COL4A2: variants seen among roughly 807,000 people sequenced by gnomAD.
COL4A2 encodes collagen alpha-2(IV) chain.
In COL4A2, 99 loss-of-function variants were observed where a neutral mutation model predicts 200.2. That is an observed-to-expected ratio of 0.49 (90% CI 0.42 to 0.58). The LOEUF is 0.58. COL4A2 is among the 20% of genes least tolerant of loss of function. The pLI is 0.00. For synonymous variants in COL4A2, 897 were observed against 900.6 expected (o/e 1.00, Z 0.07); for missense variants, 1,950 against 2,314.1 (o/e 0.84, Z 3.23).
intron 3 of COL4A2, among the ~76,000 whole-genome samples, chr13:110,337,358 T>C (rs1440151805): frequency 6.6e-6 from 1 of 152,202 alleles, no homozygotes; most frequent in Non-Finnish European, 1.5e-5. Flanking sequence ...AACTAATAAG[T>C]GCCAGTGAGG....
intron 4 of COL4A2, among the ~76,000 whole-genome samples, chr13:110,421,088 C>T (rs1425914534): frequency 6.6e-6 from 1 of 152,166 alleles, no homozygotes; most frequent in Non-Finnish European, 1.5e-5. Context: ...AATGGAAAAT[C>T]ACAGGTATTG....
At chr13:110,451,261 A>T (rs1881530011) in intron 20 of COL4A2, among the ~76,000 whole-genome samples, 1 of 152,242 alleles carries the variant, frequency 6.6e-6, no homozygotes, top group Non-Finnish European at 1.5e-5. Context: ...GTTATGCTTT[A>T]AAGACCAAGC....
In COL4A2 at chr13:110,437,975, G is replaced by T. The variant is rs553466101; in HGVS notation, c.826-27G>T. The T allele has an allele frequency of 2.8e-5, 45 of 1,594,042 alleles. No homozygotes were observed. In the East Asian group the frequency reaches 9.6e-4, roughly 34 times the overall value. On this transcript the variant is annotated intron_variant, in intron 13 of 47. Transcript: ENST00000360467. Reference sequence around the variant, plus strand: ...CATTACCATCCTCAAATTAATAAGCGTTTCTTATTTTTCATATTCTTCACA... The same window carrying T: ...CATTACCATCCTCAAATTAATAAGCTTTTCTTATTTTTCATATTCTTCACA...
rs1421971452 is a variant in COL4A2 at position 110,438,639 on chromosome 13, G to T, written c.883G>T (p.Glu295Ter). 2.5e-6 allele frequency: 4 copies of T among 1,614,134 alleles called. No individual in the cohort carries two copies. Among genetic ancestry groups the T allele is most frequent in the Non-Finnish European group, 3.4e-6 (4 of 1,180,044 alleles). The change falls in exon 15 of 48, where the codon GAA (glutamate) becomes TAA (stop). Residue 295 changes from glutamate to a stop codon, truncating the protein, a stop_gained. Transcript: ENST00000360467. LOFTEE classifies it high-confidence loss of function. ...CTAGGGCATTTCCTTGAAGGGAGAA[G>T]AAGGAATCATGGGCTTTCCTGGACT... ...GIRGISLKGE[E>*]GIMGFPGLRG... is the part of the protein sequence containing the mutation.
intron 4 of COL4A2, among the ~76,000 whole-genome samples, chr13:110,409,150 T>C (rs1426083097): frequency 6.6e-6 from 1 of 150,938 alleles, no homozygotes; most frequent in Non-Finnish European, 1.5e-5. Context: ...CGCACACATG[T>C]ACACACATGC....
At chr13:110,355,555 G>T (rs1161939502) in intron 3 of COL4A2, among the ~76,000 whole-genome samples, 5 of 66,382 alleles carry the variant, frequency 7.5e-5, no homozygotes, top group Non-Finnish European at 1.4e-4. Flanking sequence ...GTGTGTGGGG[G>T]AGGGCTGTAC....
chr13:110,366,313 A>T (rs1877749173), intron 4 of COL4A2, among the ~76,000 whole-genome samples: 1 of 152,224 alleles, frequency 6.6e-6, no homozygotes, highest in Admixed American at 6.5e-5. Context: ...AGCAGGAAGA[A>T]TGTCTGAAGC....
chr13:110,512,266 G>A lies in COL4A2; in HGVS notation c.*75G>A. Reference sequence around the variant, plus strand: ...ACCTCAGGTGCCAACCCAAAAATTGGTTTTATTTTTTTCTTAAAAAAAAAA... The same window carrying A: ...ACCTCAGGTGCCAACCCAAAAATTGATTTTATTTTTTTCTTAAAAAAAAAA... On this transcript the variant is annotated 3_prime_UTR_variant, in exon 48 of 48. Coordinates refer to ENST00000360467, the MANE Select transcript of COL4A2 (RefSeq NM_001846.4). 1.4e-6 allele frequency: 2 copies of A among 1,447,960 alleles called. No individual in the cohort carries two copies. Among genetic ancestry groups the A allele is most frequent in the Non-Finnish European group, 1.8e-6 (2 of 1,106,632 alleles). The allele number at this position is 1,447,960 out of a possible 1,614,324, so 89.7% of individuals were successfully genotyped here.
intron 12 of COL4A2, among the ~76,000 whole-genome samples, chr13:110,434,978 A>G (rs1213543543): frequency 6.6e-6 from 1 of 152,150 alleles, no homozygotes; most frequent in Non-Finnish European, 1.5e-5. Context: ...GCAGCGCCAC[A>G]CCCCGCAAGC....
chr13:110,323,715 G>A (rs1885337164), intron 3 of COL4A2, among the ~76,000 whole-genome samples: 1 of 152,220 alleles, frequency 6.6e-6, no homozygotes, highest in African/African-American at 2.4e-5. Flanking sequence ...GCTCCCTGAG[G>A]ACAGGGACCA....
chr13:110,512,237 T>TA lies in COL4A2; in HGVS notation c.*47dup. 6.4e-7 allele frequency: 1 copy of TA among 1,554,764 alleles called. No individual in the cohort carries two copies. The highest frequency in any genetic ancestry group is 8.7e-7 in the Non-Finnish European group (1 of 1,155,598). On this transcript the variant is annotated 3_prime_UTR_variant, in exon 48 of 48. Coordinates refer to ENST00000360467, the MANE Select transcript of COL4A2 (RefSeq NM_001846.4). ...GCCATTTTGGTGCTTATTCTTAACT[T>TA]ATTACCTCAGGTGCCAACCCAAAAA... is the stretch of plus-strand genomic sequence containing the variant.
At chr13:110,409,774 G>T (rs961585072) in intron 4 of COL4A2, among the ~76,000 whole-genome samples, 1 of 152,190 alleles carries the variant, frequency 6.6e-6, no homozygotes, top group African/African-American at 2.4e-5. Context: ...GTTTCTTGTG[G>T]TTTGTTGTTC....
At chr13:110,470,216 G>A (rs541298594) in intron 28 of COL4A2, among the ~76,000 whole-genome samples, 1 of 152,048 alleles carries the variant, frequency 6.6e-6, no homozygotes, top group Non-Finnish European at 1.5e-5. Flanking sequence ...GTGCCAGGCC[G>A]CACACATCTT....
intron 3 of COL4A2, among the ~76,000 whole-genome samples, chr13:110,341,856 A>C (rs1473204053): frequency 1.3e-5 from 2 of 152,238 alleles, no homozygotes; most frequent in Non-Finnish European, 2.9e-5. Flanking sequence ...CGGATATGAA[A>C]GAAGGGCCAG....
At chr13:110,428,660 C>G (rs1008597188) in intron 7 of COL4A2, 77 bp downstream of exon 7, 2 of 786,908 alleles carry the variant, frequency 2.5e-6, no homozygotes, top group African/African-American at 1.8e-5. Context: ...CCTGGGGGAG[C>G]CTCCCGCTCA....
chr13:110,462,589 A>C, intron 24 of COL4A2: 1 of 568,742 alleles, frequency 1.8e-6, no homozygotes, highest in Non-Finnish European at 3.1e-6. Flanking sequence ...CAAGCTCCAA[A>C]TGAACATTTA....
intron 6 of COL4A2, among the ~76,000 whole-genome samples, chr13:110,425,762 G>A (rs539148505): frequency 3.9e-5 from 6 of 152,290 alleles, no homozygotes; most frequent in South Asian, 2.1e-4. Flanking sequence ...ACACGCACAC[G>A]CACAGGGAGA....
intron 4 of COL4A2, among the ~76,000 whole-genome samples, chr13:110,416,086 C>T (rs139185802): frequency 5.3e-5 from 8 of 152,340 alleles, no homozygotes; most frequent in South Asian, 4.1e-4. Context: ...CAGTAGTTGC[C>T]GCCTATGCTA....
intron 36 of COL4A2, among the ~76,000 whole-genome samples, chr13:110,490,029 C>G (rs2139534644): frequency 6.6e-6 from 1 of 152,166 alleles, no homozygotes; most frequent in East Asian, 1.9e-4. Flanking sequence ...CCAGAATGGA[C>G]CCTCGGTGGA....
Sources: allele counts gnomAD v4.1 joint callset (sites outside exome capture counted in the v4.1 genomes callset), GRCh38; gene constraint gnomAD v4.1.1; transcripts MANE v1.5; gene names NCBI Gene and HGNC (gene_info 2026-07-23, HGNC 2026-07-21).